VPS37B: variants seen among roughly 807,000 people sequenced by gnomAD.
VPS37B encodes VPS37B subunit of ESCRT-I, also known as vacuolar protein sorting-associated protein 37B.
VPS37B carries 11 observed loss-of-function variants against 21.2 expected under a neutral mutation model. That is an observed-to-expected ratio of 0.52 (90% CI 0.33 to 0.86). The LOEUF is 0.86. VPS37B is among the 40% of genes least tolerant of loss of function. The pLI is 0.03. For missense variants in VPS37B, 389 were observed against 374.8 expected (o/e 1.04, Z -0.31); for synonymous variants, 175 against 159.6 (o/e 1.10, Z -0.73).
intron 1 of VPS37B, chr12:122,874,264 T>TA (rs2034101526): frequency 6.6e-6 from 1 of 152,212 alleles, no homozygotes. Flanking sequence ...GGCTGTGCCT[T>TA]ACGATCCCCG....
At chr12:122,890,930 T>C (rs1488944819) in intron 1 of VPS37B, among the ~76,000 whole-genome samples, 3 of 152,220 alleles carry the variant, frequency 2.0e-5, no homozygotes, top group African/African-American at 4.8e-5. Context: ...TCAAGAGCTG[T>C]GGAACTGAAA....
Position 122,866,818 on chromosome 12 carries a change from A to C in VPS37B, c.*298T>G. The C allele has an allele frequency of 5.8e-6, 2 of 344,416 alleles. No individual in the cohort carries two copies. Among genetic ancestry groups the C allele is most frequent in the Non-Finnish European group, 1.0e-5 (2 of 191,142 alleles). 21.3% of individuals were successfully genotyped at this position (344,416 alleles called of 1,614,324 possible). On this transcript the variant is annotated 3_prime_UTR_variant, in exon 4 of 4. Transcript: ENST00000267202. ...ACGATTCTAAATGGGACTGGGGGAG[A>C]GGCCTATTTCTTCCCAAACATGAGT...
chr12:122,878,747 C>G (rs2034200279), intron 1 of VPS37B: 1 of 149,690 alleles, frequency 6.7e-6, no homozygotes, highest in Admixed American at 6.8e-5. Context: ...AGCGATTCTC[C>G]TGCCTCAGAT....
chr12:122,870,620 C>T, intron 2 of VPS37B: 2 of 317,132 alleles, frequency 6.3e-6, no homozygotes, highest in South Asian at 8.8e-5. Flanking sequence ...CCTGTGGTCC[C>T]AGCTACTCAG....
intron 2 of VPS37B, among the ~76,000 whole-genome samples, chr12:122,869,758 G>A (rs1196858514): frequency 6.6e-6 from 1 of 151,280 alleles, no homozygotes; most frequent in East Asian, 1.9e-4. Context: ...CACTTCTTTT[G>A]TAGAGACACA....
Position 122,870,960 on chromosome 12 carries a change from T to C in VPS37B, c.213A>G (p.Ala71=). ...LYQPQLDTLK[A]RLTQKYQELQ... is the part of the protein sequence containing the mutation. Reference sequence around the variant, plus strand: ...GTTCCTGGTATTTCTGGGTCAAGCGTGCTTTCAACGTGTCCAGCTGGGGCT... The same window carrying C: ...GTTCCTGGTATTTCTGGGTCAAGCGCGCTTTCAACGTGTCCAGCTGGGGCT... Residue 71 remains alanine, a synonymous_variant, in exon 2 of 4, where the codon GCA becomes GCG. Coordinates refer to ENST00000267202, the MANE Select transcript of VPS37B (RefSeq NM_024667.3). The C allele has an allele frequency of 6.2e-7, 1 of 1,614,236 alleles. No homozygotes were observed. The highest frequency in any genetic ancestry group is 1.1e-5 in the South Asian group (1 of 91,084).
chr12:122,871,909 T>C (rs1436475651), intron 1 of VPS37B: 11 of 985,352 alleles, frequency 1.1e-5, no homozygotes, highest in Non-Finnish European at 1.3e-5. Context: ...GGTGATCGGC[T>C]TCCTCTACCA....
intron 1 of VPS37B, among the ~76,000 whole-genome samples, chr12:122,891,161 G>A (rs1304576037): frequency 6.6e-6 from 1 of 152,162 alleles, no homozygotes; most frequent in African/African-American, 2.4e-5. Context: ...TCAACTACTG[G>A]TATCAAAAGC....
rs1302373252 is a variant in VPS37B at position 122,868,568 on chromosome 12, A to T, written c.284-6T>A. 1.9e-6 allele frequency: 3 copies of T among 1,612,806 alleles called. No individual in the cohort carries two copies. The African/African-American group carries it at 4.0e-5, about 22-fold the overall frequency. ...AGCACTGCTAGACTGTCTGTCTGGA[A>T]AAAAAGCAAGAGGTATGACAAAAGT... On this transcript the variant is annotated splice_polypyrimidine_tract_variant and splice_region_variant and intron_variant, in intron 2 of 3. Transcript: ENST00000267202. The surrounding 1 kb of genome is among the most constrained non-coding windows in gnomAD (Gnocchi z 5.5).
intron 1 of VPS37B, among the ~76,000 whole-genome samples, chr12:122,895,394 C>A (rs2034476715): frequency 6.7e-6 from 1 of 149,666 alleles, no homozygotes; most frequent in Non-Finnish European, 1.5e-5. Flanking sequence ...CCTTTCCTCT[C>A]AAAGGAAACC....
chr12:122,884,917 G>A (rs575352742), intron 1 of VPS37B: 1 of 152,112 alleles, frequency 6.6e-6, no homozygotes, highest in Non-Finnish European at 1.5e-5. Context: ...CTGGATTTAT[G>A]TTTATTAAGA....
intron 1 of VPS37B, chr12:122,890,126 T>C (rs2034392029): frequency 2.0e-5 from 3 of 152,200 alleles, no homozygotes; most frequent in Admixed American, 6.5e-5. Flanking sequence ...TAGACAAAGT[T>C]CCTTATTCTC....
chr12:122,873,474 CTCAA>C (rs764834938), intron 1 of VPS37B: 2 of 152,190 alleles, frequency 1.3e-5, no homozygotes, highest in South Asian at 2.1e-4. Flanking sequence ...TTCCATCACT[CTCAA>C]TCAATCATTT....
At chr12:122,875,314 A>G (rs2034128854) in intron 1 of VPS37B, 1 of 147,930 alleles carries the variant, frequency 6.8e-6, no homozygotes, top group Non-Finnish European at 1.5e-5. Context: ...ACCTCAAGTA[A>G]TCTCCCTGCC....
chr12:122,890,691 T>C (rs1433923200), intron 1 of VPS37B, among the ~76,000 whole-genome samples: 1 of 152,182 alleles, frequency 6.6e-6, no homozygotes, highest in Non-Finnish European at 1.5e-5. Context: ...TTTTCCATCG[T>C]AATCATTTCT....
At chr12:122,875,719 AGCCACTCCG>A (rs2034136123) in intron 1 of VPS37B, 1 of 152,270 alleles carries the variant, frequency 6.6e-6, no homozygotes, top group South Asian at 2.1e-4. Flanking sequence ...CCCAGATGGC[AGCCACTCCG>A]GCCACATACA....
Position 122,870,939 on chromosome 12 carries a change from C to T in VPS37B, c.234G>A (p.Gln78=). The T allele has an allele frequency of 6.2e-7, 1 of 1,614,108 alleles. No homozygotes were observed. The highest frequency in any genetic ancestry group is 8.5e-7 in the Non-Finnish European group (1 of 1,180,022). Reference sequence around the variant, plus strand: ...AGGCTTCAAAGAGAACCTGGAGTTCCTGGTATTTCTGGGTCAAGCGTGCTT... The same window carrying T: ...AGGCTTCAAAGAGAACCTGGAGTTCTTGGTATTTCTGGGTCAAGCGTGCTT... The part of the protein sequence containing the change: ...TLKARLTQKY[Q]ELQVLFEAYQ... Residue 78 remains glutamine (Q), a synonymous_variant, in exon 2 of 4, where the codon CAG becomes CAA. Coordinates refer to ENST00000267202, the MANE Select transcript of VPS37B (RefSeq NM_024667.3).
At position 122,896,031 on chromosome 12, in the gene VPS37B, G is replaced by A. The variant is rs775503483; in HGVS notation, c.32C>T (p.Ala11Val). The A allele has an allele frequency of 5.0e-6, 8 of 1,589,112 alleles. No homozygotes were observed. The Admixed American group carries it at 1.0e-4, about 20-fold the overall frequency. Residue 11 changes from alanine to valine, a missense_variant, in exon 1 of 4, where the codon GCC (alanine) becomes GTC (valine). Coordinates refer to ENST00000267202, the MANE Select transcript of VPS37B (RefSeq NM_024667.3). ...GTTGAGCTGCACCAGCGACAGCCCG[G>A]CGAACCGGGCTTCGCTCCCGGCGCC... MAGAGSEARFAGLSLVQLNEL... is the reference protein window; with the variant it reads MAGAGSEARFVGLSLVQLNEL...
rs1047796661 is a variant in VPS37B, at chr12:122,868,939, C to T, written c.284-377G>A. 1.1e-4 allele frequency among the ~76,000 whole-genome samples: 16 copies of T among 152,196 alleles called. No individual in the cohort carries two copies. The highest frequency in any genetic ancestry group is 2.2e-4 in the Non-Finnish European group (15 of 68,036). On this transcript the variant is annotated intron_variant, in intron 2 of 3. Transcript: ENST00000267202. The surrounding 1 kb of genome is among the most constrained non-coding windows in gnomAD (Gnocchi z 5.5). ...CCCCAGATCCAGACACAGAACCTTT[C>T]CACCGGGCGCCCTCACGCCCACTGC...
Sources: allele counts gnomAD v4.1 joint callset (sites outside exome capture counted in the v4.1 genomes callset), GRCh38; gene constraint gnomAD v4.1.1; non-coding constraint Gnocchi (gnomAD v3.1); transcripts MANE v1.5; gene names NCBI Gene and HGNC (gene_info 2026-07-23, HGNC 2026-07-21).